The following FGFR1 variants were observed in gnomAD, a reference collection of about 807,000 sequenced individuals.
FGFR1 encodes the protein FGFR1/PLAG1 fusion.
A neutral mutation model predicts 93.7 loss-of-function variants in FGFR1; 18 were observed. The ratio of observed to expected loss-of-function variants is 0.19; its 90% CI spans 0.13 to 0.28. The LOEUF is 0.28. Among genes scored for constraint, FGFR1 ranks in the 10% least tolerant of loss-of-function variants. The pLI, the probability that FGFR1 is intolerant of heterozygous loss-of-function variation, is 1.00. For synonymous variants in FGFR1, 448 were observed against 429.3 expected, an observed-to-expected ratio of 1.04 and a Z score of -0.54; for missense variants, 731 against 1,080.4, an observed-to-expected ratio of 0.68 and a Z score of 4.53.
chr8:38,455,034 G>A lies in FGFR1; in HGVS notation c.91+2322C>T, dbSNP rs183364020. Among the ~76,000 whole-genome samples, 605 of 144,496 alleles carry A rather than the reference G, an allele frequency of 4.2e-3. 2 individuals carry two copies. Among genetic ancestry groups the A allele is most frequent in the Non-Finnish European group, 4.8e-3 (323 of 66,958 alleles). 94.8% of individuals were successfully genotyped at this position (144,496 alleles called of 152,430 possible). ...TCTGTCACCCAGGCTGAAGTGAAGC[G>A]GTGTGATCATGGCTCACTGCAACCT... is the stretch of plus-strand genomic sequence containing the variant. On this transcript the variant is annotated intron_variant, in intron 2 of 17. Transcript: ENST00000447712.
In FGFR1 at chr8:38,432,357, C is replaced by A. The variant is rs111611768; in HGVS notation, c.92-2409G>T. 5.3e-3 allele frequency among the ~76,000 whole-genome samples: 810 copies of A among 152,104 alleles called. 8 individuals carry two copies. The highest frequency in any genetic ancestry group is 0.017 in the African/African-American group (725 of 41,484). On this transcript the variant is annotated intron_variant, in intron 2 of 17. Transcript: ENST00000447712. ...GTTTAGACCCCGGTTCCCTTCCAAA[C>A]GTGGCTCAGGTATGCTCTGTCCTAT...
intron 2 of FGFR1, among the ~76,000 whole-genome samples, chr8:38,433,230 T>G (rs1823951918): frequency 6.6e-6 from 1 of 152,056 alleles, no homozygotes; most frequent in Non-Finnish European, 1.5e-5. Context: ...TCCCAGCTAC[T>G]CAGTGGGCTG....
chr8:38,436,848 C>T (rs1825643677), intron 2 of FGFR1, among the ~76,000 whole-genome samples: 1 of 152,146 alleles, frequency 6.6e-6, no homozygotes, highest in South Asian at 2.1e-4. Flanking sequence ...CCCCCAAATA[C>T]TGCAGGCTTG....
At chr8:38,428,475 A>G in intron 3 of FGFR1, 40 bp from the exon 4 acceptor site, 1 of 1,538,278 alleles carries the variant, frequency 6.5e-7, no homozygotes, top group Non-Finnish European at 8.9e-7. Context: ...CCTCCTAGGG[A>G]CCCCTAGATT....
chr8:38,418,732 C>T (rs1294710565), intron 9 of FGFR1: 3 of 346,938 alleles, frequency 8.6e-6, no homozygotes, highest in Non-Finnish European at 1.7e-5. Flanking sequence ...AAAGCACCTT[C>T]CAGAATGAGC....
At chr8:38,443,746 T>G (rs1828351685) in intron 2 of FGFR1, among the ~76,000 whole-genome samples, 2 of 151,450 alleles carry the variant, frequency 1.3e-5, no homozygotes, top group East Asian at 1.9e-4. Flanking sequence ...TTACATATAT[T>G]TTACCACAAC....
intron 2 of FGFR1, among the ~76,000 whole-genome samples, chr8:38,446,314 G>T (rs1829272607): frequency 1.3e-5 from 2 of 150,816 alleles, no homozygotes; most frequent in Non-Finnish European, 2.9e-5. Context: ...TGGTTCAAGC[G>T]ATTCTCCCGC....
At chr8:38,445,387 T>C (rs1363797483) in intron 2 of FGFR1, among the ~76,000 whole-genome samples, 1 of 152,212 alleles carries the variant, frequency 6.6e-6, no homozygotes, top group Non-Finnish European at 1.5e-5. Context: ...GTGTCATCTT[T>C]TGATGGTCAT....
At chr8:38,452,638 C>T (rs561697261) in intron 2 of FGFR1, among the ~76,000 whole-genome samples, 1 of 152,066 alleles carries the variant, frequency 6.6e-6, no homozygotes, top group Non-Finnish European at 1.5e-5. Flanking sequence ...GCTGGGATTA[C>T]AGGTGTGAGC....
Position 38,413,890 on chromosome 8 carries a change from G to C in FGFR1, c.2292+28C>G, listed in dbSNP as rs774758084. On this transcript the variant is annotated intron_variant, in intron 17 of 17. Transcript: ENST00000447712. This position sits in a 1 kb window ranked among gnomAD's most constrained non-coding sequence, Gnocchi z 4.2. Reference sequence around the variant, plus strand: ...CGTGCACGCAGTGGGGACGGCCTGAGCTCTGGCTCTGGCACGGGCAGCCTT... The same window carrying C: ...CGTGCACGCAGTGGGGACGGCCTGACCTCTGGCTCTGGCACGGGCAGCCTT... 1 of 1,613,510 alleles carries C rather than the reference G, an allele frequency of 6.2e-7. No individual in the cohort carries two copies. The highest frequency in any genetic ancestry group is 1.1e-5 in the South Asian group (1 of 91,050).
rs2150963093 is a variant in FGFR1 at position 38,429,855 on chromosome 8, T to C, written c.185A>G (p.Gln62Arg). 2 of 1,614,064 alleles carry C rather than the reference T, an allele frequency of 1.2e-6. No homozygotes were observed. Among genetic ancestry groups the C allele is most frequent in the Non-Finnish European group, 1.7e-6 (2 of 1,180,010 alleles). ...CCCGTCCCGCAGCCAGTTGATGCTC[T>C]GCACATCGTCCCGCAGCCGACAGCG... ...QLRCRLRDDV[Q>R]SINWLRDGVQ... Residue 62 changes from glutamine to arginine, a missense_variant, in exon 3 of 18, where the codon CAG becomes CGG. By Grantham distance (43) the Gln-to-Arg change is conservative. This residue lies in a region of FGFR1 where 212 missense variants were observed against 205.8 expected (regional missense o/e 1.03). Coordinates refer to ENST00000447712, the MANE Select transcript of FGFR1 (RefSeq NM_023110.3). This position sits in a 1 kb window ranked among gnomAD's most constrained non-coding sequence, Gnocchi z 4.4.
chr8:38,435,861 G>T (rs1306929327), intron 2 of FGFR1, among the ~76,000 whole-genome samples: 1 of 152,232 alleles, frequency 6.6e-6, no homozygotes, highest in African/African-American at 2.4e-5. Context: ...TGGAGAACCT[G>T]ATTAATTGGA....
chr8:38,434,561 CAA>C, intron 2 of FGFR1: 1 of 287,574 alleles, frequency 3.5e-6, no homozygotes. Flanking sequence ...TAGTGATTCT[CAA>C]AGTCTTGGCA....
intron 1 of FGFR1, 43 bp from the exon 2 acceptor site, chr8:38,457,577 T>A: frequency 1.3e-6 from 2 of 1,535,274 alleles, no homozygotes; most frequent in Non-Finnish European, 1.8e-6. Flanking sequence ...AGGGTCTAGG[T>A]AGGGGAGGGG....
rs745746766 is a variant in FGFR1, at chr8:38,413,829, G to A, written c.2293-25C>T. The A allele has an allele frequency of 6.2e-7, 1 of 1,613,852 alleles. No individual in the cohort carries two copies. The highest frequency in any genetic ancestry group is 2.2e-5 in the East Asian group (1 of 44,848). On this transcript the variant is annotated intron_variant, in intron 17 of 17. Transcript: ENST00000447712. The surrounding 1 kb of genome is among the most constrained non-coding windows in gnomAD (Gnocchi z 4.2). ...CCTGTGATGGGCGAGAGGAAGCAGC[G>A]ATGGGCCGGGCCCCTCCTCCCTGCT...
intron 2 of FGFR1, among the ~76,000 whole-genome samples, chr8:38,448,072 T>A (rs917502133): frequency 3.3e-5 from 5 of 152,192 alleles, no homozygotes; most frequent in African/African-American, 1.2e-4. Context: ...AATGCTGATA[T>A]CAGTCACAAA....
chr8:38,458,411 C>T (rs1468751152), intron 1 of FGFR1, among the ~76,000 whole-genome samples: 1 of 152,076 alleles, frequency 6.6e-6, no homozygotes, highest in Non-Finnish European at 1.5e-5. Flanking sequence ...CATAGTGGTA[C>T]ACACCTGTAA....
intron 2 of FGFR1, chr8:38,440,363 C>T (rs1420204730): frequency 6.3e-7 from 1 of 1,598,742 alleles, no homozygotes; most frequent in Admixed American, 1.7e-5. Context: ...TCCCGGGTCA[C>T]AGCTGCCATC....
At chr8:38,462,252 T>C (rs1178472083) in intron 1 of FGFR1, among the ~76,000 whole-genome samples, 1 of 152,186 alleles carries the variant, frequency 6.6e-6, no homozygotes, top group East Asian at 1.9e-4. Flanking sequence ...ACGCCTGTAA[T>C]CCCAGCACTT....
Sources: gnomAD v4.1 joint callset for allele counts (sites outside exome capture counted in the v4.1 genomes callset) on GRCh38, gnomAD v4.1.1 for gene constraint, gnomAD v4.1.1 regional missense constraint, Gnocchi (gnomAD v3.1) non-coding constraint, MANE v1.5 for transcripts, NCBI Gene and HGNC (gene_info 2026-07-23, HGNC 2026-07-21) for gene names.